PCDH15: variants seen among roughly 807,000 people sequenced by gnomAD.
PCDH15 encodes the protein protocadherin-15.
PCDH15 carries 129 observed loss-of-function variants against 178.5 expected under a neutral mutation model. That is an observed-to-expected ratio of 0.72 (90% CI 0.63 to 0.84). The LOEUF (loss-of-function observed/expected upper bound fraction) is 0.84, where lower values mean the gene tolerates loss of function less well. Ranked by LOEUF, PCDH15 falls within the 40% of genes least tolerant of loss-of-function variation. The probability of loss-of-function intolerance (pLI) is 0.00; values close to 1 mark genes in which losing one functional copy is unlikely to be tolerated. For missense variants in PCDH15, 2,230 were observed against 2,099.9 expected (o/e 1.06, Z -1.21); for synonymous variants, 800 against 732.0 (o/e 1.09, Z -1.50).
At chr10:54,415,998 T>C (rs1954304256) in intron 3 of PCDH15, among the ~76,000 whole-genome samples, 1 of 152,054 alleles carries the variant, frequency 6.6e-6, no homozygotes, top group Non-Finnish European at 1.5e-5. Flanking sequence ...GGTTCTCACT[T>C]GGATGCCCAG....
chr10:54,166,504 T>G (rs1377570020), intron 13 of PCDH15, among the ~76,000 whole-genome samples: 5 of 152,242 alleles, frequency 3.3e-5, no homozygotes, highest in African/African-American at 4.8e-5. Flanking sequence ...TGCTTTTGTT[T>G]GTTTGTTTGT....
At chr10:54,289,144 C>G (rs2059228425) in intron 8 of PCDH15, among the ~76,000 whole-genome samples, 2 of 152,128 alleles carry the variant, frequency 1.3e-5, no homozygotes, top group Non-Finnish European at 2.9e-5. Context: ...AGGCAGGTGC[C>G]CCTCTGGGAT....
chr10:54,016,390 TAAAC>T (rs1354474630), intron 20 of PCDH15, among the ~76,000 whole-genome samples: 1 of 152,088 alleles, frequency 6.6e-6, no homozygotes, highest in Non-Finnish European at 1.5e-5. Flanking sequence ...TACACAAAGA[TAAAC>T]AAATTGTTGT....
intron 21 of PCDH15, among the ~76,000 whole-genome samples, chr10:53,979,254 T>A (rs142215540): frequency 1.6e-4 from 24 of 152,184 alleles, no homozygotes; most frequent in African/African-American, 5.8e-4. Flanking sequence ...ATACAAGACA[T>A]CCTTCTTCAC....
intron 23 of PCDH15, among the ~76,000 whole-genome samples, chr10:53,956,047 TA>T (rs1417393201): frequency 6.6e-6 from 1 of 152,194 alleles, no homozygotes; most frequent in Non-Finnish European, 1.5e-5. Flanking sequence ...TATTTCCATA[TA>T]TTCATATTTT....
chr10:54,910,872 A>G (rs1034394963), intron 2 of PCDH15, among the ~76,000 whole-genome samples: 4 of 152,208 alleles, frequency 2.6e-5, no homozygotes, highest in Admixed American at 2.6e-4. Context: ...GGACTGCATC[A>G]TGTGGTCAGG....
At chr10:55,465,594 T>C (rs1222700612) in intron 2 of PCDH15, among the ~76,000 whole-genome samples, 2 of 152,024 alleles carry the variant, frequency 1.3e-5, no homozygotes, top group African/African-American at 2.4e-5. Context: ...TAGAGGTGTC[T>C]AGAAATAATT....
At chr10:54,961,305 T>C (rs942624670) in intron 2 of PCDH15, among the ~76,000 whole-genome samples, 1 of 152,054 alleles carries the variant, frequency 6.6e-6, no homozygotes, top group African/African-American at 2.4e-5. Context: ...TGCTGACGAG[T>C]GTGGGAGGGA....
chr10:54,316,524 G>T (rs1016453994), intron 8 of PCDH15, among the ~76,000 whole-genome samples: 3 of 143,386 alleles, frequency 2.1e-5, no homozygotes, highest in Non-Finnish European at 4.5e-5. Flanking sequence ...AACAGAATAT[G>T]TGTATACACA....
intron 1 of PCDH15, among the ~76,000 whole-genome samples, chr10:55,221,752 C>A (rs189030279): frequency 6.6e-6 from 1 of 151,952 alleles, no homozygotes; most frequent in Non-Finnish European, 1.5e-5. Flanking sequence ...ATGTCAATAA[C>A]CTTCACACCA....
intron 1 of PCDH15, among the ~76,000 whole-genome samples, chr10:54,734,801 G>A (rs1943866389): frequency 1.3e-5 from 2 of 151,892 alleles, no homozygotes; most frequent in South Asian, 4.1e-4. Flanking sequence ...AAAAAAGTCA[G>A]ATTCAAAGGG....
chr10:53,924,613 G>A (rs2084327708), intron 25 of PCDH15, among the ~76,000 whole-genome samples: 1 of 152,258 alleles, frequency 6.6e-6, no homozygotes, highest in African/African-American at 2.4e-5. Context: ...CCCAGTGCAG[G>A]ATCCACTAGG....
At chr10:53,944,850 G>T (rs1275078287) in intron 23 of PCDH15, among the ~76,000 whole-genome samples, 1 of 152,192 alleles carries the variant, frequency 6.6e-6, no homozygotes, top group Non-Finnish European at 1.5e-5. Context: ...ATGGCCTTCA[G>T]TAAGGGCTTC....
chr10:54,130,647 G>T (rs1325874265), intron 15 of PCDH15, among the ~76,000 whole-genome samples: 1 of 152,150 alleles, frequency 6.6e-6, no homozygotes, highest in Non-Finnish European at 1.5e-5. Context: ...AACAAGAATT[G>T]TTGCCTGAAA....
chr10:55,567,094 G>T (rs1251407214), intron 2 of PCDH15, among the ~76,000 whole-genome samples: 1 of 151,930 alleles, frequency 6.6e-6, no homozygotes, highest in Non-Finnish European at 1.5e-5. Context: ...ATGGACCGGT[G>T]TAATAGGAAA....
intron 11 of PCDH15, among the ~76,000 whole-genome samples, chr10:54,191,175 T>A (rs111587918): frequency 2.6e-5 from 4 of 152,188 alleles, no homozygotes; most frequent in Non-Finnish European, 5.9e-5. Flanking sequence ...CTGTGTTAGT[T>A]CTTCAGCATA....
intron 21 of PCDH15, among the ~76,000 whole-genome samples, chr10:53,970,858 G>A (rs976500725): frequency 4.6e-5 from 7 of 152,092 alleles, no homozygotes; most frequent in African/African-American, 1.7e-4. Flanking sequence ...TCTACCAGAG[G>A]TACAAAGTGG....
intron 1 of PCDH15, among the ~76,000 whole-genome samples, chr10:55,210,921 C>T (rs1268093236): frequency 6.6e-6 from 1 of 151,908 alleles, no homozygotes; most frequent in Non-Finnish European, 1.5e-5. Flanking sequence ...CCACCGTGTC[C>T]GGTCTGATGA....
chr10:54,491,300 T>C (rs774999621), intron 3 of PCDH15, among the ~76,000 whole-genome samples: 3 of 123,832 alleles, frequency 2.4e-5, no homozygotes, highest in Middle Eastern at 4.7e-3. Flanking sequence ...ATTATCCCTA[T>C]GATGTCTCAA....
Sources: gnomAD v4.1 joint callset for allele counts (sites outside exome capture counted in the v4.1 genomes callset) on GRCh38, gnomAD v4.1.1 for gene constraint, MANE v1.5 for transcripts, NCBI Gene and HGNC (gene_info 2026-07-23, HGNC 2026-07-21) for gene names.